Variants in MCAT observed in about 807,000 individuals in gnomAD.
The protein encoded by MCAT is malonyl-CoA-acyl carrier protein transacylase.
A neutral mutation model predicts 22.9 loss-of-function variants in MCAT; 22 were observed. The observed-to-expected ratio is 0.96, with a 90% confidence interval of 0.69 to 1.37. MCAT has a LOEUF of 1.37. MCAT is among the 40% of genes most tolerant of loss of function. MCAT has a pLI of 0.00. For synonymous variants in MCAT, 240 were observed against 233.9 expected (o/e 1.03, Z -0.24); for missense variants, 534 against 533.6 (o/e 1.00, Z -0.01).
At chr22:43,136,396 C>G (rs1930611827) in intron 3 of MCAT, among the ~76,000 whole-genome samples, 1 of 152,258 alleles carries the variant, frequency 6.6e-6, no homozygotes, top group Admixed American at 6.5e-5. Flanking sequence ...GCCAGGCACT[C>G]AGCACCCACT....
At position 43,143,352 on chromosome 22, in the gene MCAT, C is replaced by A. The variant is rs1299804663; in HGVS notation, c.-4G>T. 1.5e-6 allele frequency: 2 copies of A among 1,364,542 alleles called. No homozygotes were observed. Among genetic ancestry groups the A allele is most frequent in the Non-Finnish European group, 1.9e-6 (2 of 1,065,460 alleles). 84.5% of individuals were successfully genotyped at this position (1,364,542 alleles called of 1,614,324 possible). On this transcript the variant is annotated 5_prime_UTR_variant, in exon 1 of 4. Coordinates refer to ENST00000290429, the MANE Select transcript of MCAT (RefSeq NM_173467.5). ...CCCGTGCGACCCGGACGCTCATGGT[C>A]GGACACCTGCCCGCGCGCGTTACCG... is the stretch of plus-strand genomic sequence containing the variant.
At chr22:43,135,725 G>C (rs56216218) in intron 3 of MCAT, among the ~76,000 whole-genome samples, 1 of 152,092 alleles carries the variant, frequency 6.6e-6, no homozygotes, top group African/African-American at 2.4e-5. Context: ...CACCATCTCA[G>C]AACAGTCATA....
In MCAT at chr22:43,143,122, C is replaced by G; in HGVS notation, c.227G>C (p.Gly76Ala). ...GTAGTTGAGCAGACCGCGGCCCATG[C>G]CCACCACCTGGCTGCCCTGGCCCGG... ...LFPGQGSQVV[G>A]MGRGLLNYPR... Residue 76 changes from glycine (G) to alanine (A), a missense_variant, in exon 1 of 4, where the codon GGC (glycine) becomes GCC (alanine). Physicochemically the swap from Gly to Ala is moderately conservative, Grantham distance 60 (BLOSUM62 0). Coordinates refer to ENST00000290429, the MANE Select transcript of MCAT (RefSeq NM_173467.5). The G allele has an allele frequency of 1.2e-6, 2 of 1,600,240 alleles. No homozygotes were observed. The highest frequency in any genetic ancestry group is 1.7e-4 in the Middle Eastern group (1 of 5,940).
rs1193087773 is a variant in MCAT at position 43,142,792 on chromosome 22, C to CA, written c.423+133dup. On this transcript the variant is annotated intron_variant, in intron 1 of 3. Transcript: ENST00000290429. ...TCCGTCTCAAAAAAAAAAACAAAAACAAACAAAAAAAAAAACTCGATCGAA... is the reference window on the plus strand; with the variant it reads ...TCCGTCTCAAAAAAAAAAACAAAAACAAAACAAAAAAAAAAACTCGATCGAA... 34 of 990,036 alleles carry CA rather than the reference C, an allele frequency of 3.4e-5. No homozygotes were observed. The African/African-American group carries it at 4.6e-4, about 13-fold the overall frequency. The allele number at this position is 990,036 out of a possible 1,614,324, so 61.3% of individuals were successfully genotyped here. A position where few individuals can be genotyped will look rare whatever the true frequency, so the allele number is the denominator to read the frequency against.
At chr22:43,137,391 A>ACCAGTGCCCCTGTCT in intron 2 of MCAT, 93 bp from the exon 3 acceptor site, 7 of 1,015,670 alleles carry the variant, frequency 6.9e-6, no homozygotes, top group Non-Finnish European at 1.0e-5. Context: ...TCCACTCTGC[A>ACCAGTGCCCCTGTCT]CTAGAGACAG....
chr22:43,137,782 A>T (rs1365219427), intron 2 of MCAT, among the ~76,000 whole-genome samples: 1 of 152,052 alleles, frequency 6.6e-6, no homozygotes, highest in Non-Finnish European at 1.5e-5. Context: ...ACCCTGGTAA[A>T]AGGTAAAGAG....
At position 43,133,082 on chromosome 22, in the gene MCAT, G is replaced by A. The variant is rs768006974; in HGVS notation, c.1134C>T (p.Leu378=). The A allele has an allele frequency of 1.1e-5, 18 of 1,614,006 alleles. No homozygotes were observed. Among genetic ancestry groups the A allele is most frequent in the African/African-American group, 6.7e-5 (5 of 74,916 alleles). The change falls in exon 4 of 4, where the codon CTC becomes CTT. Residue 378 remains leucine (L), a synonymous_variant. Transcript: ENST00000290429. ...SYSAVDVLQT[L]EHVDLDPQEP... is the part of the protein sequence containing the mutation. Reference sequence around the variant, plus strand: ...CCTGAGGGTCCAGGTCCACATGTTCGAGGGTCTGCAGCACATCCACGGCGC... The same window carrying A: ...CCTGAGGGTCCAGGTCCACATGTTCAAGGGTCTGCAGCACATCCACGGCGC...
Position 43,141,193 on chromosome 22 carries a change from T to C in MCAT, c.480A>G (p.Leu160=), listed in dbSNP as rs769938494. Residue 160 remains leucine, a synonymous_variant, in exon 2 of 4, where the codon CTA becomes CTG. Coordinates refer to ENST00000290429, the MANE Select transcript of MCAT (RefSeq NM_173467.5). ...AGFSVGEFAA[L]VFAGAMEFAE... ...CAAATTCCATGGCTCCGGCAAACAC[T>C]AGGGCTGCAAACTCTCCCACACTGA... 1.2e-6 allele frequency: 2 copies of C among 1,614,034 alleles called. No individual in the cohort carries two copies. The highest frequency in any genetic ancestry group is 1.7e-6 in the Non-Finnish European group (2 of 1,180,006).
Position 43,133,067 on chromosome 22 carries a change from C to T in MCAT, c.1149G>A (p.Leu383=). The change falls in exon 4 of 4, where the codon CTG becomes CTA. Residue 383 remains leucine (L), a synonymous_variant. Coordinates refer to ENST00000290429, the MANE Select transcript of MCAT (RefSeq NM_173467.5). ...DVLQTLEHVD[L]DPQEPPR is the part of the protein sequence containing the mutation. ...GTCATCTCGGGGGCTCCTGAGGGTC[C>T]AGGTCCACATGTTCGAGGGTCTGCA... 6.2e-7 allele frequency: 1 copy of T among 1,614,012 alleles called. No individual in the cohort carries two copies. Among genetic ancestry groups the T allele is most frequent in the South Asian group, 1.1e-5 (1 of 91,072 alleles).
At chr22:43,137,844 T>A (rs1601742826) in intron 2 of MCAT, among the ~76,000 whole-genome samples, 2 of 152,234 alleles carry the variant, frequency 1.3e-5, no homozygotes, top group East Asian at 3.9e-4. Flanking sequence ...TCCTTGAGGT[T>A]CAAATTTTTA....
chr22:43,138,006 T>C (rs1930668826), intron 2 of MCAT, among the ~76,000 whole-genome samples: 3 of 151,176 alleles, frequency 2.0e-5, no homozygotes, highest in Non-Finnish European at 4.4e-5. Context: ...CAGGACGGCT[T>C]GAGCCCAAGG....
In MCAT at chr22:43,133,053, G is replaced by A. The variant is rs200694341; in HGVS notation, c.1163C>T (p.Pro388Leu). The A allele has an allele frequency of 1.2e-6, 2 of 1,613,242 alleles. No homozygotes were observed. The highest frequency in any genetic ancestry group is 2.7e-5 in the African/African-American group (2 of 75,018). ...LEHVDLDPQE[P>L]PR Reference sequence around the variant, plus strand: ...TTGAGCCCCCTGCAGTCATCTCGGGGGCTCCTGAGGGTCCAGGTCCACATG... The same window carrying A: ...TTGAGCCCCCTGCAGTCATCTCGGGAGCTCCTGAGGGTCCAGGTCCACATG... The change falls in exon 4 of 4, where the codon CCC becomes CTC. Residue 388 changes from proline to leucine, a missense_variant. Pro to Leu is a moderately conservative substitution (Grantham distance 98, BLOSUM62 -3). Coordinates refer to ENST00000290429, the MANE Select transcript of MCAT (RefSeq NM_173467.5).
rs537799350 is a variant in MCAT, at chr22:43,143,208, C to G, written c.141G>C (p.Glu47Asp). The G allele has an allele frequency of 6.5e-7, 1 of 1,531,360 alleles. No homozygotes were observed. The highest frequency in any genetic ancestry group is 8.7e-7 in the Non-Finnish European group (1 of 1,149,056). The allele number at this position is 1,531,360 out of a possible 1,614,324, so 94.9% of individuals were successfully genotyped here. ...ELLRDATGAE[E>D]EAPWAATERR... Reference sequence around the variant, plus strand: ...GCTCCGTCGCCGCCCAGGGCGCCTCCTCCTCCGCCCCGGTCGCATCTCGCA... The same window carrying G: ...GCTCCGTCGCCGCCCAGGGCGCCTCGTCCTCCGCCCCGGTCGCATCTCGCA... Residue 47 changes from glutamate (E) to aspartate (D), a missense_variant, in exon 1 of 4, where the codon GAG becomes GAC. Physicochemically the swap from Glu to Asp is conservative, Grantham distance 45. Coordinates refer to ENST00000290429, the MANE Select transcript of MCAT (RefSeq NM_173467.5).
chr22:43,133,589 C>T lies in MCAT; in HGVS notation c.730-103G>A, dbSNP rs572061312. 420 of 807,738 alleles carry T rather than the reference C, an allele frequency of 5.2e-4. 1 individual carries two copies. The African/African-American group carries it at 6.6e-3, about 13-fold the overall frequency. 50.0% of individuals were successfully genotyped at this position (807,738 alleles called of 1,614,324 possible). A position where few individuals can be genotyped will look rare whatever the true frequency, so the allele number is the denominator to read the frequency against. On this transcript the variant is annotated intron_variant, in intron 3 of 3. Coordinates refer to ENST00000290429, the MANE Select transcript of MCAT (RefSeq NM_173467.5). Reference sequence around the variant, plus strand: ...ACTGGGAGGGTGACCACAAAGAGACCCACAGCTGCTAGATGTGGACATGTG... The same window carrying T: ...ACTGGGAGGGTGACCACAAAGAGACTCACAGCTGCTAGATGTGGACATGTG...
intron 3 of MCAT, among the ~76,000 whole-genome samples, chr22:43,136,480 C>G (rs1439045587): frequency 6.6e-6 from 1 of 152,220 alleles, no homozygotes; most frequent in South Asian, 2.1e-4. Context: ...CGTCCTCCAG[C>G]TGCTGCCTCC....
chr22:43,143,152 A>C lies in MCAT; in HGVS notation c.197T>G (p.Leu66Arg). 6.3e-7 allele frequency: 1 copy of C among 1,581,512 alleles called. No homozygotes were observed. The highest frequency in any genetic ancestry group is 2.3e-5 in the East Asian group (1 of 43,614). ...CACCTGGCTGCCCTGGCCCGGGAAG[A>C]GCAGCACGGAGCACTGGCCCGGCAT... ...RRMPGQCSVL[L>R]FPGQGSQVVG... Residue 66 changes from leucine to arginine, a missense_variant, in exon 1 of 4, where the codon CTC becomes CGC. Physicochemically the swap from Leu to Arg is moderately radical, Grantham distance 102. Transcript: ENST00000290429.
Position 43,132,870 on chromosome 22 carries a change from T to G in MCAT, c.*173A>C. ...CAAGGGGGAGAAATGGACTGGGTCA[T>G]GTAAAGAAATACTCATTTTTAGGGC... On this transcript the variant is annotated 3_prime_UTR_variant, in exon 4 of 4. Coordinates refer to ENST00000290429, the MANE Select transcript of MCAT (RefSeq NM_173467.5). 1 of 612,068 alleles carries G rather than the reference T, an allele frequency of 1.6e-6. No individual in the cohort carries two copies. The highest frequency in any genetic ancestry group is 2.8e-5 in the East Asian group (1 of 36,228). 37.9% of individuals were successfully genotyped at this position (612,068 alleles called of 1,614,324 possible). A position where few individuals can be genotyped will look rare whatever the true frequency, so the allele number is the denominator to read the frequency against.
chr22:43,137,505 T>C (rs1362097734), intron 2 of MCAT, among the ~76,000 whole-genome samples: 2 of 152,216 alleles, frequency 1.3e-5, no homozygotes, highest in South Asian at 2.1e-4. Context: ...CTTGGCACTA[T>C]ACAAACTAAC....
chr22:43,139,507 C>G (rs535615821), intron 2 of MCAT, among the ~76,000 whole-genome samples: 1 of 150,840 alleles, frequency 6.6e-6, no homozygotes, highest in South Asian at 2.1e-4. Flanking sequence ...GCTGGGGTGA[C>G]AGAGCAAGAT....
Sources: gnomAD v4.1 joint callset for allele counts (sites outside exome capture counted in the v4.1 genomes callset) on GRCh38, gnomAD v4.1.1 for gene constraint, MANE v1.5 for transcripts, NCBI Gene and HGNC (gene_info 2026-07-23, HGNC 2026-07-21) for gene names.